ZNF804A: variants seen among roughly 807,000 people sequenced by gnomAD.
ZNF804A encodes zinc finger protein 804A.
A neutral mutation model predicts 16.5 loss-of-function variants in ZNF804A; 2 were observed. The ratio of observed to expected loss-of-function variants is 0.12; its 90% CI spans 0.05 to 0.38. ZNF804A has a LOEUF of 0.38. Among genes scored for constraint, ZNF804A ranks in the 10% least tolerant of loss-of-function variants. The pLI, the probability that ZNF804A is intolerant of heterozygous loss-of-function variation, is 0.99. For synonymous variants in ZNF804A, 534 were observed against 489.6 expected (o/e 1.09, Z -1.20); for missense variants, 1,473 against 1,390.7 (o/e 1.06, Z -0.94).
At chr2:184,634,401 G>A (rs577870077) in intron 1 of ZNF804A, among the ~76,000 whole-genome samples, 92 of 152,202 alleles carry the variant, frequency 6.0e-4, no homozygotes, top group African/African-American at 2.2e-3. Context: ...AAGTGACTTT[G>A]CAGATGTGAT....
At chr2:184,930,751 G>C (rs1345551621) in intron 2 of ZNF804A, among the ~76,000 whole-genome samples, 2 of 152,104 alleles carry the variant, frequency 1.3e-5, no homozygotes, top group Admixed American at 6.6e-5. Flanking sequence ...AATTTTTATG[G>C]AACAGAAATG....
intron 1 of ZNF804A, among the ~76,000 whole-genome samples, chr2:184,853,773 A>G (rs1174323272): frequency 1.3e-5 from 2 of 151,798 alleles, no homozygotes; most frequent in East Asian, 3.9e-4. Context: ...AATGATTTTA[A>G]TGTGCTGTTG....
intron 1 of ZNF804A, among the ~76,000 whole-genome samples, chr2:184,730,024 C>T (rs745764934): frequency 1.3e-5 from 2 of 152,068 alleles, no homozygotes; most frequent in African/African-American, 4.8e-5. Context: ...ATGGTAACTA[C>T]TACTATTAAT....
At chr2:184,751,793 C>A (rs1293341779) in intron 1 of ZNF804A, among the ~76,000 whole-genome samples, 7 of 151,504 alleles carry the variant, frequency 4.6e-5, no homozygotes, top group Admixed American at 2.0e-4. Context: ...AAGATACAAA[C>A]AACCACATTA....
chr2:184,863,388 T>C (rs1695828735), intron 1 of ZNF804A, among the ~76,000 whole-genome samples: 1 of 152,120 alleles, frequency 6.6e-6, no homozygotes, highest in African/African-American at 2.4e-5. Context: ...CTAATAGCTA[T>C]AGTTACTTTT....
intron 1 of ZNF804A, among the ~76,000 whole-genome samples, chr2:184,734,644 A>C (rs1693579986): frequency 6.6e-6 from 1 of 152,100 alleles, no homozygotes. Flanking sequence ...GTATTCTGCT[A>C]TTGTTTGATA....
Position 184,772,993 on chromosome 2 carries a change from GGT to G in ZNF804A, c.112-93365_112-93364del, listed in dbSNP as rs921212178. On this transcript the variant is annotated intron_variant, in intron 1 of 3. Coordinates refer to ENST00000302277, the MANE Select transcript of ZNF804A (RefSeq NM_194250.2). The stretch of plus-strand genomic sequence containing the variant: ...TATGTATATATATATGTGTGTGTGG[GGT>G]GTGTGTGTGTATATATATATACACA... Among the ~76,000 whole-genome samples the G allele has an allele frequency of 5.6e-5, 8 of 141,966 alleles. 1 individual carries two copies. Among genetic ancestry groups the G allele is most frequent in the South Asian group, 4.5e-4 (2 of 4,466 alleles). The allele number at this position is 141,966 out of a possible 152,430, so 93.1% of individuals were successfully genotyped here.
chr2:184,791,978 A>G (rs757518968), intron 1 of ZNF804A, among the ~76,000 whole-genome samples: 72 of 152,116 alleles, frequency 4.7e-4, no homozygotes, highest in Non-Finnish European at 9.6e-4. Flanking sequence ...TAGGTTCCTA[A>G]ATGTCTTTTC....
chr2:184,850,574 T>C (rs899643660), intron 1 of ZNF804A, among the ~76,000 whole-genome samples: 2 of 151,678 alleles, frequency 1.3e-5, no homozygotes, highest in African/African-American at 2.4e-5. Context: ...ATTTAGCAAA[T>C]GATGTTTTTC....
At chr2:184,664,294 C>A (rs1273858081) in intron 1 of ZNF804A, among the ~76,000 whole-genome samples, 2 of 151,944 alleles carry the variant, frequency 1.3e-5, no homozygotes, top group African/African-American at 2.4e-5. Flanking sequence ...TTTTATGGAA[C>A]TATAAAGGAT....
chr2:184,868,769 A>G (rs920762035), intron 2 of ZNF804A, among the ~76,000 whole-genome samples: 1 of 152,116 alleles, frequency 6.6e-6, no homozygotes, highest in East Asian at 1.9e-4. Flanking sequence ...TTGAGTTTTG[A>G]GAGACATTTC....
intron 1 of ZNF804A, among the ~76,000 whole-genome samples, chr2:184,819,665 CT>C (rs771531226): frequency 4.8e-4 from 73 of 151,704 alleles, no homozygotes; most frequent in Non-Finnish European, 5.7e-4. Flanking sequence ...ATAAAATAGA[CT>C]GCTAGCTTGA....
At chr2:184,650,719 A>G (rs1031238696) in intron 1 of ZNF804A, among the ~76,000 whole-genome samples, 2 of 152,104 alleles carry the variant, frequency 1.3e-5, no homozygotes, top group Non-Finnish European at 2.9e-5. Context: ...AAAGAACCAA[A>G]CAAAAACCTA....
chr2:184,857,505 T>C (rs1695717169), intron 1 of ZNF804A, among the ~76,000 whole-genome samples: 1 of 152,164 alleles, frequency 6.6e-6, no homozygotes, highest in South Asian at 2.1e-4. Context: ...TGGTCTAAGA[T>C]GTAGTTTAAG....
At chr2:184,747,421 T>A (rs533425584) in intron 1 of ZNF804A, among the ~76,000 whole-genome samples, 8 of 150,892 alleles carry the variant, frequency 5.3e-5, no homozygotes, top group African/African-American at 1.9e-4. Context: ...GCTCATTTTT[T>A]AAACACATTT....
At chr2:184,601,422 C>T (rs903869837) in intron 1 of ZNF804A, among the ~76,000 whole-genome samples, 1 of 151,910 alleles carries the variant, frequency 6.6e-6, no homozygotes, top group Non-Finnish European at 1.5e-5. Flanking sequence ...GAAACTGGAT[C>T]TGAAACTTCT....
At chr2:184,657,959 C>T (rs1009409827) in intron 1 of ZNF804A, among the ~76,000 whole-genome samples, 1 of 152,182 alleles carries the variant, frequency 6.6e-6, no homozygotes, top group Non-Finnish European at 1.5e-5. Context: ...AGAAAAATTA[C>T]TTTGTTCCTG....
At chr2:184,604,046 A>ATATTGAGT (rs1409418301) in intron 1 of ZNF804A, among the ~76,000 whole-genome samples, 3 of 151,106 alleles carry the variant, frequency 2.0e-5, no homozygotes, top group Non-Finnish European at 4.4e-5. Flanking sequence ...AATTCATTAA[A>ATATTGAGT]TATTGAGTTA....
At chr2:184,842,779 A>T (rs1295159957) in intron 1 of ZNF804A, among the ~76,000 whole-genome samples, 1 of 152,168 alleles carries the variant, frequency 6.6e-6, no homozygotes, top group Non-Finnish European at 1.5e-5. Flanking sequence ...CTTGATAGAA[A>T]AAATAAATAA....
Sources: allele counts gnomAD v4.1 joint callset (sites outside exome capture counted in the v4.1 genomes callset), GRCh38; gene constraint gnomAD v4.1.1; transcripts MANE v1.5; gene names NCBI Gene and HGNC (gene_info 2026-07-23, HGNC 2026-07-21).